Variants in PTPRO observed in about 807,000 individuals in gnomAD.
PTPRO encodes the protein protein tyrosine phosphatase receptor type O, also known as receptor-type tyrosine-protein phosphatase O.
A neutral mutation model predicts 145.2 loss-of-function variants in PTPRO; 62 were observed. The observed-to-expected ratio is 0.43, with a 90% confidence interval of 0.35 to 0.53. PTPRO has a LOEUF of 0.53. PTPRO is among the 20% of genes least tolerant of loss of function. The pLI is 0.01. For synonymous variants in PTPRO, 565 were observed against 514.7 expected (o/e 1.10, Z -1.32); for missense variants, 1,345 against 1,482.7 (o/e 0.91, Z 1.53).
At chr12:15,505,356 T>C (rs981590948) in intron 6 of PTPRO, among the ~76,000 whole-genome samples, 1 of 152,224 alleles carries the variant, frequency 6.6e-6, no homozygotes, top group African/African-American at 2.4e-5. Flanking sequence ...GGAGTTATAC[T>C]GTTTGCATAT....
chr12:15,583,685 A>G (rs1202559546), intron 23 of PTPRO, among the ~76,000 whole-genome samples: 2 of 152,216 alleles, frequency 1.3e-5, no homozygotes, highest in Non-Finnish European at 2.9e-5. Context: ...TATGATCTGC[A>G]AAAACTAAAA....
chr12:15,546,250 T>C (rs1943285611), intron 12 of PTPRO: 24 of 923,488 alleles, frequency 2.6e-5, no homozygotes, highest in Non-Finnish European at 3.0e-5. Flanking sequence ...AAGTTCTGTA[T>C]TATCAGGGCA....
At chr12:15,577,983 T>A (rs993806078) in intron 19 of PTPRO, among the ~76,000 whole-genome samples, 7 of 152,162 alleles carry the variant, frequency 4.6e-5, no homozygotes, top group African/African-American at 1.7e-4. Context: ...AAATTTCCCA[T>A]CAGTTCACCT....
intron 13 of PTPRO, 65 bp downstream of exon 13, chr12:15,546,773 T>G (rs1943302343): frequency 3.2e-6 from 5 of 1,578,804 alleles, no homozygotes; most frequent in African/African-American, 2.7e-5. Flanking sequence ...CTGGGCAAAA[T>G]AAGAATCTTC....
At chr12:15,417,317 T>C (rs1426736639) in intron 1 of PTPRO, among the ~76,000 whole-genome samples, 1 of 151,854 alleles carries the variant, frequency 6.6e-6, no homozygotes, top group African/African-American at 2.4e-5. Flanking sequence ...AGGAACCGTC[T>C]GTATAAGGTA....
chr12:15,582,508 G>A (rs2300290), intron 23 of PTPRO, among the ~76,000 whole-genome samples: 28,229 of 152,164 alleles, frequency 0.19, 2,798 homozygotes, highest in Middle Eastern at 0.27. Context: ...CTGAGAAGAC[G>A]CAGTAAAAAG....
chr12:15,518,486 C>T (rs1255133387), intron 9 of PTPRO, among the ~76,000 whole-genome samples: 1 of 152,216 alleles, frequency 6.6e-6, no homozygotes, highest in East Asian at 1.9e-4. Flanking sequence ...ATTACTTATT[C>T]AAATTTCTGC....
At chr12:15,367,283 C>A (rs1399750014) in intron 1 of PTPRO, among the ~76,000 whole-genome samples, 1 of 152,240 alleles carries the variant, frequency 6.6e-6, no homozygotes, top group East Asian at 1.9e-4. Context: ...ACAAACAAAT[C>A]CCCAGTCTAG....
At chr12:15,409,544 C>T (rs1167985133) in intron 1 of PTPRO, among the ~76,000 whole-genome samples, 2 of 152,080 alleles carry the variant, frequency 1.3e-5, no homozygotes, top group Admixed American at 1.3e-4. Context: ...TCTTACATTG[C>T]TATAAAGAAA....
intron 17 of PTPRO, among the ~76,000 whole-genome samples, chr12:15,562,741 C>CTTTTTTTTT (rs5796638): frequency 6.9e-6 from 1 of 144,392 alleles, no homozygotes; most frequent in Non-Finnish European, 1.5e-5. Flanking sequence ...AGTGTTAAAT[C>CTTTTTTTTT]TTTTTTTTTT....
chr12:15,518,526 G>A (rs1269125066), intron 9 of PTPRO, among the ~76,000 whole-genome samples: 6 of 152,100 alleles, frequency 3.9e-5, no homozygotes, highest in Non-Finnish European at 8.8e-5. Flanking sequence ...TCAGAAAATG[G>A]GATTTTCTTT....
intron 9 of PTPRO, among the ~76,000 whole-genome samples, chr12:15,519,325 T>A (rs1205542264): frequency 6.6e-6 from 1 of 152,210 alleles, no homozygotes. Context: ...CACGTGGGAA[T>A]TCAAGATGAG....
Position 15,557,469 on chromosome 12 carries a change from G to A in PTPRO, c.2573G>A (p.Gly858Asp). 6.2e-7 allele frequency: 1 copy of A among 1,613,850 alleles called. No individual in the cohort carries two copies. Among genetic ancestry groups the A allele is most frequent in the Non-Finnish European group, 8.5e-7 (1 of 1,179,814 alleles). The change falls in exon 16 of 27, where the codon GGT (glycine) becomes GAT (aspartate). Residue 858 changes from glycine (G) to aspartate (D), a missense_variant. By Grantham distance (94) the Gly-to-Asp change is moderately conservative. Coordinates refer to ENST00000281171, the MANE Select transcript of PTPRO (RefSeq NM_030667.3). ...HLQMARECGA[G>D]TFVNFASLER... is the part of the protein sequence containing the mutation. ...CTTTAAAACAGGGAGTGTGGAGCTG[G>A]TACATTTGTCAATTTTGCATCCTTA...
At chr12:15,363,318 G>A (rs1352608099) in intron 1 of PTPRO, among the ~76,000 whole-genome samples, 9 of 152,124 alleles carry the variant, frequency 5.9e-5, no homozygotes, top group South Asian at 4.1e-4. Flanking sequence ...TCCACATGAC[G>A]TTTAATCATG....
In PTPRO at chr12:15,598,262, G is replaced by C. The variant is rs1426842385; in HGVS notation, c.*2189G>C. On this transcript the variant is annotated 3_prime_UTR_variant, in exon 27 of 27. Transcript: ENST00000281171. Reference sequence around the variant, plus strand: ...AAGGCATCAGTCTGTCAAAAGACTTGTTTAATCCTGATAATGACTTTGGAA... The same window carrying C: ...AAGGCATCAGTCTGTCAAAAGACTTCTTTAATCCTGATAATGACTTTGGAA... 6.6e-6 allele frequency among the ~76,000 whole-genome samples: 1 copy of C among 152,158 alleles called. No individual in the cohort carries two copies. Among genetic ancestry groups the C allele is most frequent in the African/African-American group, 2.4e-5 (1 of 41,430 alleles).
At chr12:15,433,125 G>C (rs1375069076) in intron 1 of PTPRO, among the ~76,000 whole-genome samples, 1 of 150,054 alleles carries the variant, frequency 6.7e-6, no homozygotes, top group African/African-American at 2.4e-5. Flanking sequence ...CCAATATCCA[G>C]GATGGTACTG....
intron 1 of PTPRO, among the ~76,000 whole-genome samples, chr12:15,387,125 A>C (rs1180871265): frequency 1.3e-5 from 2 of 152,256 alleles, no homozygotes; most frequent in Non-Finnish European, 2.9e-5. Flanking sequence ...AAATTATTCC[A>C]TGTGTGCACA....
At position 15,393,628 on chromosome 12, in the gene PTPRO, A is replaced by AT. The variant is rs56808064; in HGVS notation, c.75+70843dup. ...AATGGCCTTGCTCTAGTACACTAGG[A>AT]TTTTTTTTTTTTTTTTCTGAGAGTC... On this transcript the variant is annotated intron_variant, in intron 1 of 26. Transcript: ENST00000281171. Among the ~76,000 whole-genome samples, 981 of 141,932 alleles carry AT rather than the reference A, an allele frequency of 6.9e-3. 7 individuals are homozygous for AT. Among genetic ancestry groups the AT allele is most frequent in the East Asian group, 0.015 (74 of 4,800 alleles). 93.1% of individuals were successfully genotyped at this position (141,932 alleles called of 152,430 possible).
intron 19 of PTPRO, among the ~76,000 whole-genome samples, chr12:15,573,769 C>T (rs1354736906): frequency 1.3e-5 from 2 of 152,164 alleles, no homozygotes; most frequent in East Asian, 3.9e-4. Context: ...CCCCTACATC[C>T]TCAGGGTCAG....
Sources: gnomAD v4.1 joint callset for allele counts (sites outside exome capture counted in the v4.1 genomes callset) on GRCh38, gnomAD v4.1.1 for gene constraint, MANE v1.5 for transcripts, NCBI Gene and HGNC (gene_info 2026-07-23, HGNC 2026-07-21) for gene names.